Variants in DEPTOR observed in about 807,000 individuals in gnomAD.
DEPTOR encodes DEP domain-containing mTOR-interacting protein.
A neutral mutation model predicts 41.6 loss-of-function variants in DEPTOR; 41 were observed. That is an observed-to-expected ratio of 0.98 (90% confidence interval 0.77 to 1.28). The LOEUF (loss-of-function observed/expected upper bound fraction) is 1.28. DEPTOR is among the 50% of genes most tolerant of loss of function. DEPTOR has a pLI of 0.00. For missense variants in DEPTOR, 514 were observed against 527.9 expected (o/e 0.97, Z 0.26); for synonymous variants, 195 against 192.3 (o/e 1.01, Z -0.12).
chr8:119,917,968 C>G (rs1360876278), intron 1 of DEPTOR, among the ~76,000 whole-genome samples: 3 of 152,180 alleles, frequency 2.0e-5, no homozygotes, highest in Non-Finnish European at 4.4e-5. Flanking sequence ...GCACTTAATT[C>G]TTTACCTTGT....
At chr8:119,948,899 T>C (rs1828316762) in intron 3 of DEPTOR, among the ~76,000 whole-genome samples, 1 of 152,196 alleles carries the variant, frequency 6.6e-6, no homozygotes, top group East Asian at 1.9e-4. Context: ...GCAATTCTCC[T>C]GCCCCAGCCT....
At chr8:119,890,311 G>A (rs1167379886) in intron 1 of DEPTOR, among the ~76,000 whole-genome samples, 2 of 149,666 alleles carry the variant, frequency 1.3e-5, no homozygotes, top group African/African-American at 4.9e-5. Flanking sequence ...TGTTGTTGTT[G>A]TTGTTGTTTG....
At chr8:119,942,290 C>T (rs1270278421) in intron 3 of DEPTOR, among the ~76,000 whole-genome samples, 1 of 152,218 alleles carries the variant, frequency 6.6e-6, no homozygotes, top group East Asian at 1.9e-4. Context: ...GCAATCTCCA[C>T]CTCCTGGTGA....
intron 3 of DEPTOR, among the ~76,000 whole-genome samples, chr8:119,942,755 C>A (rs1230081797): frequency 2.0e-5 from 3 of 152,164 alleles, no homozygotes; most frequent in Non-Finnish European, 4.4e-5. Context: ...TCTTATCCTG[C>A]CCCTTATTAG....
Position 120,001,644 on chromosome 8 carries a change from C to G in DEPTOR, c.724C>G (p.His242Asp), listed in dbSNP as rs777852631. Residue 242 changes from histidine (H) to aspartate (D), a missense_variant, in exon 5 of 9, where the codon CAT becomes GAT. By Grantham distance (81) the His-to-Asp change is moderately conservative (BLOSUM62 -1). Coordinates refer to ENST00000286234, the MANE Select transcript of DEPTOR (RefSeq NM_022783.4). ...NEKSPSSQET[H>D]DSPFCLRKQS... ...AAAGTCCCCCTCCTCCCAGGAAACT[C>G]ATGACAGTCCCTTCTGCCTGAGGAA... 2 of 1,614,088 alleles carry G rather than the reference C, an allele frequency of 1.2e-6. No individual in the cohort carries two copies. Among genetic ancestry groups the G allele is most frequent in the South Asian group, 1.1e-5 (1 of 91,052 alleles).
In DEPTOR at chr8:119,933,962, C is replaced by A. The variant is rs111523539; in HGVS notation, c.425+4024C>A. 2.2e-3 allele frequency among the ~76,000 whole-genome samples: 338 copies of A among 152,208 alleles called. 1 individual carries two copies. Among genetic ancestry groups the A allele is most frequent in the African/African-American group, 7.8e-3 (325 of 41,520 alleles). ...TGGCATGATCTCGGCTCACTACAACCTTCACCTCCTAGGTTCAAGCGATTC... is the reference window on the plus strand; with the variant it reads ...TGGCATGATCTCGGCTCACTACAACATTCACCTCCTAGGTTCAAGCGATTC... On this transcript the variant is annotated intron_variant, in intron 3 of 8. Coordinates refer to ENST00000286234, the MANE Select transcript of DEPTOR (RefSeq NM_022783.4).
chr8:119,922,530 G>A (rs1346191476), intron 1 of DEPTOR, among the ~76,000 whole-genome samples: 1 of 152,154 alleles, frequency 6.6e-6, no homozygotes, highest in East Asian at 1.9e-4. Flanking sequence ...TTCATGGGAT[G>A]ACTTTAGCAC....
chr8:119,943,513 C>T (rs1403549828), intron 3 of DEPTOR, among the ~76,000 whole-genome samples: 1 of 152,084 alleles, frequency 6.6e-6, no homozygotes, highest in Non-Finnish European at 1.5e-5. Context: ...GAAACTGCCC[C>T]CATGATCCAG....
In DEPTOR at chr8:119,986,521, C is replaced by T. The variant is rs527753262; in HGVS notation, c.605-15004C>T. Among the ~76,000 whole-genome samples, 190 of 152,084 alleles carry T rather than the reference C, an allele frequency of 1.2e-3. 2 individuals carry two copies. Among genetic ancestry groups the T allele is most frequent in the South Asian group, 0.012 (58 of 4,802 alleles). On this transcript the variant is annotated intron_variant, in intron 4 of 8. Transcript: ENST00000286234. ...TTATGTGTCTTGGGGTTGCTCTTCTCGAGGAGTATCTTCGTTGTGTTCTCT... is the reference window on the plus strand; with the variant it reads ...TTATGTGTCTTGGGGTTGCTCTTCTTGAGGAGTATCTTCGTTGTGTTCTCT...
At chr8:120,047,881 C>T (rs181522718) in intron 8 of DEPTOR, among the ~76,000 whole-genome samples, 9 of 125,868 alleles carry the variant, frequency 7.2e-5, no homozygotes, top group Non-Finnish European at 3.5e-5. Flanking sequence ...CCCCTCTCTA[C>T]CAAAAATACA....
chr8:119,927,613 T>C, intron 1 of DEPTOR, among the ~76,000 whole-genome samples: 1 of 147,220 alleles, frequency 6.8e-6, no homozygotes, highest in East Asian at 1.9e-4. Context: ...AATATATATA[T>C]TATATATATT....
At chr8:119,945,720 G>C (rs1269274661) in intron 3 of DEPTOR, among the ~76,000 whole-genome samples, 1 of 152,236 alleles carries the variant, frequency 6.6e-6, no homozygotes, top group Non-Finnish European at 1.5e-5. Context: ...ATCTGGAAGA[G>C]AGACTAAAAC....
chr8:120,032,732 C>T (rs559481905), intron 8 of DEPTOR, among the ~76,000 whole-genome samples: 114 of 152,310 alleles, frequency 7.5e-4, no homozygotes, highest in Middle Eastern at 3.4e-3. Flanking sequence ...CTACATTTAA[C>T]CATAACAGCC....
intron 8 of DEPTOR, among the ~76,000 whole-genome samples, chr8:120,015,956 G>A (rs146742505): frequency 6.6e-6 from 1 of 152,284 alleles, no homozygotes; most frequent in Non-Finnish European, 1.5e-5. Flanking sequence ...GAACATGTGG[G>A]GCAGGGGCAA....
chr8:120,025,033 G>A (rs1015581534), intron 8 of DEPTOR, among the ~76,000 whole-genome samples: 1 of 152,168 alleles, frequency 6.6e-6, no homozygotes, highest in Admixed American at 6.5e-5. Context: ...AGGTACTGAG[G>A]ATCCAGTTGT....
chr8:120,049,043 G>A (rs964934938), intron 8 of DEPTOR, among the ~76,000 whole-genome samples: 1 of 151,940 alleles, frequency 6.6e-6, no homozygotes, highest in African/African-American at 2.4e-5. Flanking sequence ...AGTTTACATC[G>A]ATATTACCCA....
intron 1 of DEPTOR, among the ~76,000 whole-genome samples, chr8:119,925,635 G>GT (rs1267791534): frequency 2.6e-5 from 4 of 151,732 alleles, no homozygotes; most frequent in South Asian, 4.2e-4. Context: ...TTTACTTTTT[G>GT]TTTTTTTGAC....
chr8:120,032,830 G>A (rs991007611), intron 8 of DEPTOR, among the ~76,000 whole-genome samples: 4 of 152,194 alleles, frequency 2.6e-5, no homozygotes, highest in Admixed American at 6.5e-5. Context: ...CTGGAACTGT[G>A]CAGGAAAGGG....
intron 4 of DEPTOR, among the ~76,000 whole-genome samples, chr8:119,991,030 T>TTTTCTTTCTTTCTTTCTTTC (rs747315642): frequency 0.024 from 1,272 of 53,576 alleles, 29 homozygotes; most frequent in Non-Finnish European, 0.029. Flanking sequence ...TCGGGTTTTC[T>TTTTCTTTCTTTCTTTCTTTC]TTTCTTTCTT....
Sources: allele counts gnomAD v4.1 joint callset (sites outside exome capture counted in the v4.1 genomes callset), GRCh38; gene constraint gnomAD v4.1.1; transcripts MANE v1.5; gene names NCBI Gene and HGNC (gene_info 2026-07-23, HGNC 2026-07-21).